The following SLIT2 variants were observed in gnomAD, a reference collection of about 807,000 sequenced individuals.
SLIT2 encodes the protein slit homolog 2 protein.
Under a neutral mutation model 185.7 loss-of-function variants are expected in SLIT2, and 41 were observed. The observed-to-expected ratio is 0.22, with a 90% CI of 0.17 to 0.29. SLIT2 has a LOEUF of 0.29. Among genes scored for constraint, SLIT2 ranks in the 10% least tolerant of loss-of-function variants. The pLI is 1.00. For synonymous variants in SLIT2, 693 were observed against 680.2 expected (o/e 1.02, Z -0.29); for missense variants, 1,571 against 1,909.0 (o/e 0.82, Z 3.30).
intron 26 of SLIT2, among the ~76,000 whole-genome samples, chr4:20,560,890 A>G (rs1577927633): frequency 6.6e-6 from 1 of 152,052 alleles, no homozygotes; most frequent in East Asian, 1.9e-4. Context: ...GAATACAACA[A>G]TAAACAATTC....
chr4:20,377,288 AG>A (rs2109333053), intron 4 of SLIT2, among the ~76,000 whole-genome samples: 1 of 152,284 alleles, frequency 6.6e-6, no homozygotes, highest in Non-Finnish European at 1.5e-5. Flanking sequence ...ATATTCTCTC[AG>A]GTACAATTGA....
At chr4:20,415,786 T>G (rs1213823705) in intron 4 of SLIT2, among the ~76,000 whole-genome samples, 3 of 152,204 alleles carry the variant, frequency 2.0e-5, no homozygotes, top group Admixed American at 2.0e-4. Context: ...TGATTCTGTA[T>G]TCCCATTTTA....
At position 20,345,544 on chromosome 4, in the gene SLIT2, C is replaced by CT. The variant is rs796756361; in HGVS notation, c.395+76672dup. Among the ~76,000 whole-genome samples, 90 of 138,918 alleles carry CT rather than the reference C, an allele frequency of 6.5e-4. 2 individuals are homozygous for CT. Among genetic ancestry groups the CT allele is most frequent in the African/African-American group, 2.2e-3 (80 of 35,994 alleles). The allele number at this position is 138,918 out of a possible 152,430, so 91.1% of individuals were successfully genotyped here. On this transcript the variant is annotated intron_variant, in intron 4 of 36. Transcript: ENST00000504154. ...TTTCTTTTTTCCTTTTTTCTTTTTT[C>CT]TTTTTTTTTGAGATAGAGTCTCACT...
intron 4 of SLIT2, among the ~76,000 whole-genome samples, chr4:20,284,051 T>G (rs865862093): frequency 1.1e-4 from 16 of 152,136 alleles, no homozygotes; most frequent in African/African-American, 3.6e-4. Flanking sequence ...AAATACAGGT[T>G]GAGTGAGTGA....
At chr4:20,448,458 T>C (rs1314249013) in intron 4 of SLIT2, among the ~76,000 whole-genome samples, 1 of 151,902 alleles carries the variant, frequency 6.6e-6, no homozygotes, top group Non-Finnish European at 1.5e-5. Flanking sequence ...GTGGCTGGGA[T>C]TACCAACATG....
At chr4:20,326,106 G>A (rs1480556581) in intron 4 of SLIT2, among the ~76,000 whole-genome samples, 2 of 152,036 alleles carry the variant, frequency 1.3e-5, no homozygotes, top group Non-Finnish European at 2.9e-5. Flanking sequence ...TTTGGAAGAT[G>A]CTGGAGTATA....
intron 26 of SLIT2, among the ~76,000 whole-genome samples, chr4:20,561,153 G>T (rs1724656814): frequency 6.6e-6 from 1 of 151,786 alleles, no homozygotes; most frequent in African/African-American, 2.4e-5. Context: ...GGGTCTGGTA[G>T]CCATGAGCTC....
Position 20,405,934 on chromosome 4 carries a change from C to T in SLIT2, c.396-61818C>T, listed in dbSNP as rs1037818630. On this transcript the variant is annotated intron_variant, in intron 4 of 36. Coordinates refer to ENST00000504154, the MANE Select transcript of SLIT2 (RefSeq NM_004787.4). ...ATTCACAAACATTACCTTGGCTGTT[C>T]TTGGTCTTCTTACAATTAGTAAGAA... Among the ~76,000 whole-genome samples, 4 of 107,418 alleles carry T rather than the reference C, an allele frequency of 3.7e-5. 1 individual carries two copies. In the East Asian group the frequency reaches 1.8e-3, roughly 48 times the overall value. 70.5% of individuals were successfully genotyped at this position (107,418 alleles called of 152,430 possible). A position where few individuals can be genotyped will look rare whatever the true frequency, so the allele number is the denominator to read the frequency against.
At chr4:20,531,413 A>G (rs974604936) in intron 16 of SLIT2, among the ~76,000 whole-genome samples, 2 of 152,232 alleles carry the variant, frequency 1.3e-5, no homozygotes, top group African/African-American at 4.8e-5. Flanking sequence ...TGCCCAGACT[A>G]GGAAAATTAG....
intron 26 of SLIT2, among the ~76,000 whole-genome samples, chr4:20,561,704 A>G (rs910366529): frequency 2.0e-5 from 3 of 151,822 alleles, no homozygotes; most frequent in Non-Finnish European, 4.4e-5. Context: ...ACATAGTTGT[A>G]TCTTGGAAAT....
intron 29 of SLIT2, among the ~76,000 whole-genome samples, chr4:20,588,257 AATATC>A (rs1727228607): frequency 6.6e-6 from 1 of 152,252 alleles, no homozygotes; most frequent in Non-Finnish European, 1.5e-5. Context: ...GATAAAAACT[AATATC>A]ATACACCAGA....
intron 21 of SLIT2, 73 bp from the exon 22 acceptor site, chr4:20,545,958 A>G: frequency 2.5e-6 from 2 of 798,864 alleles, no homozygotes; most frequent in Non-Finnish European, 4.0e-6. Flanking sequence ...GTTAAGAGTG[A>G]AGTACTGTTT....
At chr4:20,394,651 T>C (rs1383832662) in intron 4 of SLIT2, 2 of 152,044 alleles carry the variant, frequency 1.3e-5, no homozygotes, top group Non-Finnish European at 2.9e-5. Context: ...ATTGAATCAA[T>C]TGGAAGCCAA....
chr4:20,320,765 A>T (rs1011090896), intron 4 of SLIT2, among the ~76,000 whole-genome samples: 4 of 152,168 alleles, frequency 2.6e-5, no homozygotes, highest in Admixed American at 2.6e-4. Flanking sequence ...ACAGATCTGC[A>T]TAGCCCACTC....
At chr4:20,342,375 G>A (rs562010052) in intron 4 of SLIT2, among the ~76,000 whole-genome samples, 1 of 152,142 alleles carries the variant, frequency 6.6e-6, no homozygotes, top group African/African-American at 2.4e-5. Flanking sequence ...GAATTATAGT[G>A]TTGTTTATTT....
At chr4:20,378,429 A>T (rs1431886254) in intron 4 of SLIT2, among the ~76,000 whole-genome samples, 1 of 152,150 alleles carries the variant, frequency 6.6e-6, no homozygotes, top group African/African-American at 2.4e-5. Flanking sequence ...TACACAAACA[A>T]GGGCTTATTT....
intron 4 of SLIT2, among the ~76,000 whole-genome samples, chr4:20,450,084 G>T (rs1204634285): frequency 2.0e-5 from 3 of 152,062 alleles, no homozygotes; most frequent in South Asian, 4.1e-4. Flanking sequence ...CTAGTTAAAG[G>T]AAGATTACCT....
intron 4 of SLIT2, among the ~76,000 whole-genome samples, chr4:20,465,240 G>T (rs1006942554): frequency 6.6e-6 from 1 of 152,090 alleles, no homozygotes; most frequent in African/African-American, 2.4e-5. Flanking sequence ...TTAACAATTT[G>T]TCTCATTGTT....
At chr4:20,494,164 G>A (rs1319039046) in intron 9 of SLIT2, among the ~76,000 whole-genome samples, 2 of 152,212 alleles carry the variant, frequency 1.3e-5, no homozygotes, top group Admixed American at 1.3e-4. Flanking sequence ...AAGGCAGAAG[G>A]CCTCTTCGGA....
Sources: gnomAD v4.1 joint callset for allele counts (sites outside exome capture counted in the v4.1 genomes callset) on GRCh38, gnomAD v4.1.1 for gene constraint, MANE v1.5 for transcripts, NCBI Gene and HGNC (gene_info 2026-07-23, HGNC 2026-07-21) for gene names.